The following GABRB3 variants were observed in gnomAD, a reference collection of about 807,000 sequenced individuals.
The protein encoded by GABRB3 is gamma-aminobutyric acid receptor subunit beta-3.
Under a neutral mutation model 52.1 loss-of-function variants are expected in GABRB3, and 14 were observed. That is an observed-to-expected ratio of 0.27 (90% CI 0.18 to 0.42). The LOEUF is 0.42. Ranked by LOEUF, GABRB3 falls within the 10% of genes least tolerant of loss-of-function variation. GABRB3 has a pLI of 1.00. For missense variants in GABRB3, 307 were observed against 609.1 expected (o/e 0.50, Z 5.22); for synonymous variants, 260 against 232.3 (o/e 1.12, Z -1.08).
intron 3 of GABRB3, among the ~76,000 whole-genome samples, chr15:26,707,993 A>T (rs186955794): frequency 4.8e-4 from 73 of 152,310 alleles, no homozygotes; most frequent in Admixed American, 4.4e-3. Flanking sequence ...AAAATCTTAA[A>T]TGCTCCAGTG....
chr15:26,642,670 C>G, intron 3 of GABRB3: 1 of 400,226 alleles, frequency 2.5e-6, no homozygotes, highest in Non-Finnish European at 5.1e-6. Flanking sequence ...CCCCCGCACA[C>G]ACACACCAAA....
chr15:26,727,824 C>T (rs775130434), intron 3 of GABRB3, among the ~76,000 whole-genome samples: 9 of 152,162 alleles, frequency 5.9e-5, no homozygotes, highest in Non-Finnish European at 1.3e-4. Context: ...TTCATACAAG[C>T]CTTACTTGTT....
intron 3 of GABRB3, among the ~76,000 whole-genome samples, chr15:26,682,164 G>A (rs1888259585): frequency 6.6e-6 from 1 of 152,038 alleles, no homozygotes; most frequent in East Asian, 1.9e-4. Flanking sequence ...TTTCTCAACG[G>A]TGCCGCGAAG....
In GABRB3 at chr15:26,751,932, C is replaced by T. The variant is rs536950991; in HGVS notation, c.240+20470G>A. Among the ~76,000 whole-genome samples, 8 of 152,286 alleles carry T rather than the reference C, an allele frequency of 5.3e-5. No individual in the cohort carries two copies. In the East Asian group the frequency reaches 1.2e-3, roughly 22 times the overall value. On this transcript the variant is annotated intron_variant, in intron 3 of 8. Coordinates refer to ENST00000311550, the MANE Select transcript of GABRB3 (RefSeq NM_000814.6). ...CAATGGGTGCTTGGCAAGGAGGAAACATGGGCTAATAAACGAAAAATATAA... is the reference window on the plus strand; with the variant it reads ...CAATGGGTGCTTGGCAAGGAGGAAATATGGGCTAATAAACGAAAAATATAA...
At chr15:26,693,104 C>G (rs1888636197) in intron 3 of GABRB3, among the ~76,000 whole-genome samples, 1 of 152,196 alleles carries the variant, frequency 6.6e-6, no homozygotes, top group African/African-American at 2.4e-5. Flanking sequence ...ACAGTTCCAG[C>G]TGGCCAAAAT....
intron 3 of GABRB3, among the ~76,000 whole-genome samples, chr15:26,695,561 G>A (rs1332716786): frequency 2.0e-5 from 3 of 152,094 alleles, no homozygotes; most frequent in African/African-American, 7.2e-5. Flanking sequence ...TTTGTTGACA[G>A]TAGTTCTGCT....
At chr15:26,625,571 T>A in intron 3 of GABRB3, 1 of 559,828 alleles carries the variant, frequency 1.8e-6, no homozygotes, top group Non-Finnish European at 2.2e-6. Flanking sequence ...CTTTAAAAGC[T>A]CCAAGGATTA....
rs539090161 is a variant in GABRB3, at chr15:26,589,376, A to G, written c.462-5962T>C. On this transcript the variant is annotated intron_variant, in intron 4 of 8. Coordinates refer to ENST00000311550, the MANE Select transcript of GABRB3 (RefSeq NM_000814.6). ...TGCTCCTTGTCAGTGTTGCTGGGAA[A>G]GGCTGGATATGGTCAGAGTCTGGGA... Among the ~76,000 whole-genome samples the G allele has an allele frequency of 4.6e-5, 7 of 152,330 alleles. No homozygotes were observed. The South Asian group carries it at 1.0e-3, about 23-fold the overall frequency.
intron 3 of GABRB3, among the ~76,000 whole-genome samples, chr15:26,768,194 G>T (rs1041322541): frequency 1.3e-5 from 2 of 151,556 alleles, no homozygotes; most frequent in East Asian, 3.9e-4. Flanking sequence ...CACATGAAAT[G>T]AGAAAAAAAA....
At chr15:26,697,309 A>C (rs1888772220) in intron 3 of GABRB3, among the ~76,000 whole-genome samples, 1 of 152,216 alleles carries the variant, frequency 6.6e-6, no homozygotes, top group Non-Finnish European at 1.5e-5. Context: ...ATGCCTTGGA[A>C]ATAAACATAA....
Position 26,583,300 on chromosome 15 carries a change from G to A in GABRB3, c.544+32C>T, listed in dbSNP as rs374953304. 1,582 of 1,529,916 alleles carry A rather than the reference G, an allele frequency of 1.0e-3. 5 individuals are homozygous for A. Among genetic ancestry groups the A allele is most frequent in the Admixed American group, 2.6e-3 (155 of 59,872 alleles). The allele number at this position is 1,529,916 out of a possible 1,614,324, so 94.8% of individuals were successfully genotyped here. On this transcript the variant is annotated intron_variant, in intron 5 of 8. Transcript: ENST00000311550. Reference sequence around the variant, plus strand: ...ACAAAAGGATCAAAAGTACAAATAGGAGGAGAAAGAAACACAGATACGGAT... The same window carrying A: ...ACAAAAGGATCAAAAGTACAAATAGAAGGAGAAAGAAACACAGATACGGAT...
At chr15:26,608,897 A>G (rs1891943707) in intron 4 of GABRB3, among the ~76,000 whole-genome samples, 1 of 152,132 alleles carries the variant, frequency 6.6e-6, no homozygotes. Flanking sequence ...GGAAAACTCA[A>G]AAAACTTAAA....
chr15:26,660,585 G>A (rs181371614), intron 3 of GABRB3, among the ~76,000 whole-genome samples: 4 of 152,282 alleles, frequency 2.6e-5, no homozygotes, highest in African/African-American at 9.6e-5. Flanking sequence ...TTATCATACA[G>A]AGAGAACCAC....
intron 3 of GABRB3, chr15:26,767,211 A>G (rs1891021611): frequency 1.3e-5 from 2 of 152,240 alleles, no homozygotes; most frequent in Admixed American, 1.3e-4. Flanking sequence ...TTACCCCTGA[A>G]GTGCCTTCCA....
chr15:26,728,581 A>T (rs1344974020), intron 3 of GABRB3, among the ~76,000 whole-genome samples: 1 of 152,240 alleles, frequency 6.6e-6, no homozygotes, highest in East Asian at 1.9e-4. Context: ...AGCAGGCCAC[A>T]CAGCACACGC....
At chr15:26,618,320 A>G (rs1892342914) in intron 4 of GABRB3, among the ~76,000 whole-genome samples, 1 of 151,934 alleles carries the variant, frequency 6.6e-6, no homozygotes, top group Admixed American at 6.6e-5. Context: ...AAACAGAGAT[A>G]TAGATCAATG....
chr15:26,567,528 C>T, intron 7 of GABRB3, 53 bp downstream of exon 7: 1 of 1,567,650 alleles, frequency 6.4e-7, no homozygotes, highest in Non-Finnish European at 8.7e-7. Context: ...TCTCTTAATA[C>T]TGTAATGATA....
intron 3 of GABRB3, among the ~76,000 whole-genome samples, chr15:26,696,929 C>A (rs528598872): frequency 6.6e-6 from 1 of 152,242 alleles, no homozygotes; most frequent in South Asian, 2.1e-4. Context: ...CGACAATGGC[C>A]AACATGCAGT....
At chr15:26,755,655 G>C (rs1215986804) in intron 3 of GABRB3, among the ~76,000 whole-genome samples, 1 of 152,172 alleles carries the variant, frequency 6.6e-6, no homozygotes, top group Non-Finnish European at 1.5e-5. Context: ...ATTGATTCTA[G>C]AAGTATAGAT....
Sources: allele counts gnomAD v4.1 joint callset (sites outside exome capture counted in the v4.1 genomes callset), GRCh38; gene constraint gnomAD v4.1.1; transcripts MANE v1.5; gene names NCBI Gene and HGNC (gene_info 2026-07-23, HGNC 2026-07-21).